Variants in PSD2 observed in about 807,000 individuals in gnomAD.
The protein encoded by PSD2 is PH and SEC7 domain-containing protein 2.
PSD2 carries 38 observed loss-of-function variants against 69.8 expected under a neutral mutation model. The observed-to-expected ratio is 0.54, with a 90% CI of 0.42 to 0.71. The LOEUF is 0.71. Among genes scored for constraint, PSD2 ranks in the 30% least tolerant of loss-of-function variants. The pLI is 0.00. For missense variants in PSD2, 943 were observed against 1,014.5 expected, an observed-to-expected ratio of 0.93 and a Z score of 0.96; for synonymous variants, 412 against 423.0, an observed-to-expected ratio of 0.97 and a Z score of 0.32.
intron 7 of PSD2, among the ~76,000 whole-genome samples, chr5:139,829,921 T>C (rs1211362781): frequency 2.0e-5 from 3 of 151,916 alleles, no homozygotes; most frequent in South Asian, 4.2e-4. Context: ...CTGTTTTCCA[T>C]AGTGGCTGAA....
chr5:139,831,899 C>G (rs1760605968), intron 7 of PSD2, among the ~76,000 whole-genome samples: 1 of 152,088 alleles, frequency 6.6e-6, no homozygotes, highest in Non-Finnish European at 1.5e-5. Flanking sequence ...TTCCCAGGAC[C>G]CTTGTCCTTG....
At chr5:139,781,430 G>A in the PSD2 span, among the ~76,000 whole-genome samples, 1 of 151,870 alleles carries the variant, frequency 6.6e-6, no homozygotes, top group Admixed American at 6.6e-5. Context: ...CCACCTCCTG[G>A]GTTCACGCCA....
At position 139,809,643 on chromosome 5, in the gene PSD2, TCCATGGCCTCAG is replaced by T. The variant is rs1759904994; in HGVS notation, c.206_217del (p.His69_Ser72del). 6.2e-7 allele frequency: 1 copy of T among 1,614,138 alleles called. No individual in the cohort carries two copies. The highest frequency in any genetic ancestry group is 1.3e-5 in the African/African-American group (1 of 74,942). ...CCCACGAAGGACCCAGATGTGGCCTTCCATGGCCTCAGCCTTGGCCTCTCTCTCACCAATGGC... is the reference window on the plus strand; with the variant it reads ...CCCACGAAGGACCCAGATGTGGCCTTCCTTGGCCTCTCTCTCACCAATGGC... On this transcript the variant is annotated inframe_deletion, in exon 2 of 15. Transcript: ENST00000274710.
upstream of PSD2, among the ~76,000 whole-genome samples, chr5:139,794,347 T>C (rs555633993): frequency 2.6e-5 from 4 of 152,284 alleles, no homozygotes; most frequent in Non-Finnish European, 5.9e-5. Flanking sequence ...AGATGCTTGG[T>C]TGTCAGAGGT....
At chr5:139,759,153 C>T in the PSD2 span, among the ~76,000 whole-genome samples, 10 of 152,280 alleles carry the variant, frequency 6.6e-5, no homozygotes, top group Non-Finnish European at 1.3e-4. Flanking sequence ...CATGGCCTCC[C>T]CCATTCTCCG....
intron 1 of PSD2, among the ~76,000 whole-genome samples, chr5:139,799,458 G>C (rs1212161449): frequency 3.9e-5 from 6 of 152,202 alleles, no homozygotes; most frequent in African/African-American, 1.4e-4. Flanking sequence ...GAGGGCATGG[G>C]GGCCAGACAG....
intron 14 of PSD2, among the ~76,000 whole-genome samples, chr5:139,841,971 T>G (rs763574931): frequency 7.2e-5 from 11 of 152,234 alleles, no homozygotes; most frequent in Non-Finnish European, 1.0e-4. Flanking sequence ...GTTGATTGTA[T>G]CCTGTGATGT....
At chr5:139,784,557 A>G in the PSD2 span, among the ~76,000 whole-genome samples, 1 of 152,262 alleles carries the variant, frequency 6.6e-6, no homozygotes, top group Non-Finnish European at 1.5e-5. Context: ...AGTCAAAGCC[A>G]AAGTCCTCAT....
the PSD2 span, among the ~76,000 whole-genome samples, chr5:139,781,192 C>G: frequency 1.3e-5 from 2 of 152,160 alleles, no homozygotes; most frequent in African/African-American, 2.4e-5. Context: ...GGTGGAGCCT[C>G]TAGAGATCTC....
At chr5:139,836,734 G>C (rs991980624) in intron 9 of PSD2, 77 bp from the exon 10 acceptor site, 1 of 1,335,212 alleles carries the variant, frequency 7.5e-7, no homozygotes, top group African/African-American at 1.4e-5. Context: ...CTGGAGAGGA[G>C]GCTGGTGGGG....
At chr5:139,795,695 C>T (rs1323468485), upstream of PSD2, 1 of 151,608 alleles carries the variant, frequency 6.6e-6, no homozygotes, top group Non-Finnish European at 1.5e-5. The surrounding 1 kb of genome is among the most constrained non-coding windows in gnomAD (Gnocchi z 4.5). Flanking sequence ...CCGCGCTTCC[C>T]TCCGGGCTCC....
At chr5:139,802,111 G>C (rs1466401515) in intron 1 of PSD2, among the ~76,000 whole-genome samples, 1 of 150,888 alleles carries the variant, frequency 6.6e-6, no homozygotes, top group African/African-American at 2.4e-5. Context: ...ACTGGACAGG[G>C]AAGAGGAGGG....
At chr5:139,827,542 A>G (rs913488218) in intron 7 of PSD2, among the ~76,000 whole-genome samples, 3 of 152,216 alleles carry the variant, frequency 2.0e-5, no homozygotes, top group Non-Finnish European at 4.4e-5. Context: ...AACTGGATAA[A>G]AAAGAAAGAG....
chr5:139,821,950 C>G lies in PSD2; in HGVS notation c.1155C>G (p.Leu385=). 3 of 1,611,332 alleles carry G rather than the reference C, an allele frequency of 1.9e-6. No individual in the cohort carries two copies. Among genetic ancestry groups the G allele is most frequent in the Non-Finnish European group, 2.5e-6 (3 of 1,178,600 alleles). The change falls in exon 6 of 15, where the codon CTC becomes CTG. Residue 385 remains leucine (L), a synonymous_variant. Coordinates refer to ENST00000274710, the MANE Select transcript of PSD2 (RefSeq NM_032289.4). ...MGETQERERV[L]THFSRRYCQC... ...AGACACAAGAGCGTGAGCGGGTCCT[C>G]ACACACTTCTCCCGCCGGTACTGCC...
intron 7 of PSD2, among the ~76,000 whole-genome samples, chr5:139,826,088 G>A (rs557660749): frequency 1.0e-3 from 153 of 152,352 alleles, no homozygotes; most frequent in Admixed American, 3.3e-3. Flanking sequence ...GTCAAGTAAA[G>A]TGATGGCGCA....
chr5:139,771,207 GAC>G, the PSD2 span, among the ~76,000 whole-genome samples: 1 of 152,196 alleles, frequency 6.6e-6, no homozygotes, highest in Non-Finnish European at 1.5e-5. Flanking sequence ...CCCATGTTGT[GAC>G]TGGCCCGGGT....
chr5:139,819,673 G>T (rs942774426), intron 5 of PSD2, among the ~76,000 whole-genome samples: 2 of 152,104 alleles, frequency 1.3e-5, no homozygotes, highest in Non-Finnish European at 2.9e-5. Context: ...GGCCCTTTTT[G>T]TCTTTGTTGC....
At position 139,839,951 on chromosome 5, in the gene PSD2, C is replaced by T; in HGVS notation, c.1969-76C>T. 6.5e-7 allele frequency: 1 copy of T among 1,539,346 alleles called. No individual in the cohort carries two copies. Among genetic ancestry groups the T allele is most frequent in the Middle Eastern group, 1.7e-4 (1 of 5,798 alleles). On this transcript the variant is annotated intron_variant, in intron 13 of 14. Transcript: ENST00000274710. The surrounding 1 kb of genome is among the most constrained non-coding windows in gnomAD (Gnocchi z 5.1). ...TTCATTTCCCTTTGGTGGAGCAGCTCCTGGTAGAACAGGATTTGAGCCACT... is the reference window on the plus strand; with the variant it reads ...TTCATTTCCCTTTGGTGGAGCAGCTTCTGGTAGAACAGGATTTGAGCCACT...
intron 1 of PSD2, among the ~76,000 whole-genome samples, chr5:139,808,608 C>T (rs12189069): frequency 6.6e-6 from 1 of 152,208 alleles, no homozygotes; most frequent in Non-Finnish European, 1.5e-5. Context: ...AGTCCCTCCT[C>T]GCAGCTGGGT....
Sources: gnomAD v4.1 joint callset for allele counts (sites outside exome capture counted in the v4.1 genomes callset) on GRCh38, gnomAD v4.1.1 for gene constraint, Gnocchi (gnomAD v3.1) non-coding constraint, MANE v1.5 for transcripts, NCBI Gene and HGNC (gene_info 2026-07-23, HGNC 2026-07-21) for gene names.